Variants in FUNDC2 observed in about 807,000 individuals in gnomAD.
FUNDC2 encodes FUN14 domain containing 2, also known as FUN14 domain-containing protein 2.
FUNDC2 carries 4 observed loss-of-function variants against 15.6 expected under a neutral mutation model. The ratio of observed to expected loss-of-function variants is 0.26; its 90% CI spans 0.13 to 0.59. FUNDC2 has a LOEUF of 0.59. Ranked by LOEUF, FUNDC2 falls within the 20% of genes least tolerant of loss-of-function variation. The pLI, the probability that FUNDC2 is intolerant of heterozygous loss-of-function variation, is 0.90. For synonymous variants in FUNDC2, 44 were observed against 56.9 expected (o/e 0.77, Z 1.02); for missense variants, 98 against 149.7 (o/e 0.65, Z 1.80).
chrX:155,038,592 G>A (rs5945132), intron 2 of FUNDC2, among the ~76,000 whole-genome samples: 23,683 of 111,068 alleles, frequency 0.21, 1,973 homozygotes, highest in South Asian at 0.39. Flanking sequence ...CCACATATAA[G>A]TGAGACCATT....
At chrX:155,043,593 TA>T (rs2073854008) in intron 2 of FUNDC2, among the ~76,000 whole-genome samples, 1 of 112,352 alleles carries the variant, frequency 8.9e-6, no homozygotes, top group Admixed American at 9.4e-5. Flanking sequence ...AGGCTTTATT[TA>T]AAATGTGTGT....
intron 2 of FUNDC2, among the ~76,000 whole-genome samples, chrX:155,040,958 TTGTC>T (rs200182765): frequency 0.014 from 1,608 of 112,392 alleles, 95 homozygotes; most frequent in Admixed American, 0.14. Flanking sequence ...GTTCTCTAAC[TTGTC>T]TTTTTCACTG....
chrX:155,057,044 CTAGTATG>C lies in FUNDC2; in HGVS notation c.*2373_*2379del, dbSNP rs2073906855. 2 of 95,441 alleles carry C rather than the reference CTAGTATG, an allele frequency of 2.1e-5. 1 individual carries two copies. 7.9% of individuals were successfully genotyped at this position (95,441 alleles called of 1,213,427 possible). On this transcript the variant is annotated 3_prime_UTR_variant, in exon 5 of 5. Transcript: ENST00000369498. ...AGTATTGCAGGTTGGCCTCATCCTG[CTAGTATG>C]AGAACGGCTGTGAGTTCTGCCCACG...
chrX:155,058,477 A>G lies in FUNDC2; in HGVS notation c.*3805A>G, dbSNP rs2073916394. ...AAAAGATGGTATACTGATGGATTTG[A>G]AATTTCTGAGTATCATCAATGTTTC... On this transcript the variant is annotated 3_prime_UTR_variant, in exon 5 of 5. Transcript: ENST00000369498. The G allele has an allele frequency of 9.0e-6, 1 of 110,651 alleles. No individual in the cohort carries two copies. Among genetic ancestry groups the G allele is most frequent in the African/African-American group, 3.3e-5 (1 of 30,310 alleles). 9.1% of individuals were successfully genotyped at this position (110,651 alleles called of 1,213,427 possible). A position where few individuals can be genotyped will look rare whatever the true frequency, so the allele number is the denominator to read the frequency against.
intron 2 of FUNDC2, among the ~76,000 whole-genome samples, chrX:155,037,764 G>A (rs2073836002): frequency 9.0e-6 from 1 of 111,040 alleles, no homozygotes; most frequent in Non-Finnish European, 1.9e-5. Flanking sequence ...GATTATAGGC[G>A]TGAGCCACCA....
chrX:155,038,677 T>C (rs1557289346), intron 2 of FUNDC2, among the ~76,000 whole-genome samples: 1 of 112,627 alleles, frequency 8.9e-6, no homozygotes, highest in East Asian at 2.8e-4. Flanking sequence ...TTGTCACAAA[T>C]ATCAAGATTT....
At position 155,041,605 on chromosome X, in the gene FUNDC2, C is replaced by T. The variant is rs1382124918; in HGVS notation, c.285-4904C>T. Among the ~76,000 whole-genome samples the T allele has an allele frequency of 6.3e-5, 7 of 110,506 alleles. No individual in the cohort carries two copies. In the Admixed American group the frequency reaches 6.7e-4, roughly 11 times the overall value. On this transcript the variant is annotated intron_variant, in intron 2 of 4. Transcript: ENST00000369498. ...TTTCATTTCTGTTTTTGCAAGATCA[C>T]TTAGTGTAGAATTCTAGATTGACAG...
At chrX:155,049,135 TCA>T (rs2073872624) in intron 3 of FUNDC2, 1 of 112,937 alleles carries the variant, frequency 8.9e-6, no homozygotes, top group Non-Finnish European at 1.9e-5. Flanking sequence ...TTGCCAGTTT[TCA>T]GTTTATTCGG....
chrX:155,055,479 A>G lies in FUNDC2; in HGVS notation c.*807A>G, dbSNP rs782196009. The G allele has an allele frequency of 1.0e-4, 30 of 289,289 alleles. 1 individual carries two copies. The East Asian group carries it at 1.4e-3, about 13-fold the overall frequency. 23.8% of individuals were successfully genotyped at this position (289,289 alleles called of 1,213,427 possible). ...TAATCTAGTTAGTATGAAATACAACATTTAAACCGGAATTTTAAAGAAGTA... is the reference window on the plus strand; with the variant it reads ...TAATCTAGTTAGTATGAAATACAACGTTTAAACCGGAATTTTAAAGAAGTA... On this transcript the variant is annotated 3_prime_UTR_variant, in exon 5 of 5. Coordinates refer to ENST00000369498, the MANE Select transcript of FUNDC2 (RefSeq NM_023934.4).
chrX:155,050,186 T>TC (rs369336488), intron 3 of FUNDC2: 86 of 112,182 alleles, frequency 7.7e-4, no homozygotes, highest in African/African-American at 2.6e-3. Flanking sequence ...CTTTCACCAT[T>TC]CTGTACAGTG....
At chrX:155,027,957 T>G (rs1162444861) in intron 1 of FUNDC2, among the ~76,000 whole-genome samples, 1 of 106,880 alleles carries the variant, frequency 9.4e-6, no homozygotes, top group Non-Finnish European at 1.9e-5. Flanking sequence ...AGCCGACTGT[T>G]AAGCATTTCA....
At chrX:155,054,195 A>G in intron 4 of FUNDC2, 1 of 753,807 alleles carries the variant, frequency 1.3e-6, no homozygotes, top group Non-Finnish European at 1.6e-6. Flanking sequence ...GATGCCAAAG[A>G]GGATGGAAGG....
Position 155,051,735 on chromosome X carries a change from C to G in FUNDC2, c.426C>G (p.Ala142=). 8.3e-7 allele frequency: 1 copy of G among 1,210,296 alleles called. No homozygotes were observed. The highest frequency in any genetic ancestry group is 1.1e-6 in the Non-Finnish European group (1 of 894,171). ...WQRVEKDMKK[A]KEQLKIRKSN... is the part of the protein sequence containing the mutation. ...GAGTGGAGAAGGACATGAAGAAAGC[C>G]AAAGAGCAGCTGAAGATCCGTAAGA... is the stretch of plus-strand genomic sequence containing the variant. The change falls in exon 4 of 5, where the codon GCC becomes GCG. Residue 142 remains alanine, a synonymous_variant. Coordinates refer to ENST00000369498, the MANE Select transcript of FUNDC2 (RefSeq NM_023934.4).
At chrX:155,033,822 T>A (rs1569560168) in intron 2 of FUNDC2, among the ~76,000 whole-genome samples, 1 of 112,292 alleles carries the variant, frequency 8.9e-6, no homozygotes, top group East Asian at 2.8e-4. Context: ...TTATTTTCTA[T>A]CCTCATTTTA....
rs1557290863 is a variant in FUNDC2, at chrX:155,056,063, A to G, written c.*1391A>G. 1 of 112,315 alleles carries G rather than the reference A, an allele frequency of 8.9e-6. No individual in the cohort carries two copies. 9.3% of individuals were successfully genotyped at this position (112,315 alleles called of 1,213,427 possible). A position where few individuals can be genotyped will look rare whatever the true frequency, so the allele number is the denominator to read the frequency against. On this transcript the variant is annotated 3_prime_UTR_variant, in exon 5 of 5. Transcript: ENST00000369498. ...GGAAACATAAGCCATTTTGCTTGCAATATGTATGAATCATCTCAAAACCAT... is the reference window on the plus strand; with the variant it reads ...GGAAACATAAGCCATTTTGCTTGCAGTATGTATGAATCATCTCAAAACCAT...
rs2073917561 is a variant in FUNDC2 at position 155,058,795 on chromosome X, T to C, written c.*4123T>C. On this transcript the variant is annotated 3_prime_UTR_variant, in exon 5 of 5. Transcript: ENST00000369498. ...GCTTATATTTCCGATGCTTGCATTC[T>C]TTTTAAGGGGTCATGAATCTTAATA... The C allele has an allele frequency of 8.1e-5, 9 of 111,229 alleles. No individual in the cohort carries two copies. The South Asian group carries it at 3.0e-3, about 37-fold the overall frequency. The allele number at this position is 111,229 out of a possible 1,213,427, so 9.2% of individuals were successfully genotyped here. A position where few individuals can be genotyped will look rare whatever the true frequency, so the allele number is the denominator to read the frequency against.
chrX:155,041,746 T>C (rs1192991573), intron 2 of FUNDC2, among the ~76,000 whole-genome samples: 1 of 109,397 alleles, frequency 9.1e-6, no homozygotes, highest in Admixed American at 9.6e-5. Flanking sequence ...ACCTAATGCC[T>C]CTTTTTTCCC....
At chrX:155,045,596 G>A (rs2073859769) in intron 2 of FUNDC2, among the ~76,000 whole-genome samples, 1 of 112,042 alleles carries the variant, frequency 8.9e-6, no homozygotes, top group Admixed American at 9.4e-5. Context: ...AAGATCAGTG[G>A]TAACCTTGAT....
chrX:155,042,096 G>A (rs868965413), intron 2 of FUNDC2, among the ~76,000 whole-genome samples: 88 of 87,371 alleles, frequency 1.0e-3, no homozygotes, highest in Middle Eastern at 5.9e-3. Context: ...AGAAAAAAAA[G>A]AAAAAAAAGA....
Sources: allele counts gnomAD v4.1 joint callset (sites outside exome capture counted in the v4.1 genomes callset), GRCh38; gene constraint gnomAD v4.1.1; transcripts MANE v1.5; gene names NCBI Gene and HGNC (gene_info 2026-07-23, HGNC 2026-07-21).